ACAP2: variants seen among roughly 807,000 people sequenced by gnomAD.
ACAP2 encodes the protein ArfGAP with coiled-coil, ankyrin repeat and PH domains 2, also known as arf-GAP with coiled-coil, ANK repeat and PH domain-containing protein 2.
In ACAP2, 39 loss-of-function variants were observed where a neutral mutation model predicts 115.8. That is an observed-to-expected ratio of 0.34 (90% CI 0.26 to 0.44). ACAP2 has a LOEUF of 0.44. ACAP2 is among the 20% of genes least tolerant of loss of function. The pLI, the probability that ACAP2 is intolerant of heterozygous loss-of-function variation, is 1.00. For missense variants in ACAP2, 662 were observed against 927.6 expected (o/e 0.71, Z 3.72); for synonymous variants, 289 against 315.8 (o/e 0.92, Z 0.90).
chr3:195,369,996 T>C (rs1430805083), intron 4 of ACAP2, among the ~76,000 whole-genome samples: 2 of 152,342 alleles, frequency 1.3e-5, no homozygotes, highest in Admixed American at 1.3e-4. Context: ...GAGTTGCATT[T>C]CTCTAATTAT....
intron 10 of ACAP2, among the ~76,000 whole-genome samples, chr3:195,320,255 C>A (rs903881392): frequency 2.0e-5 from 3 of 152,124 alleles, no homozygotes; most frequent in South Asian, 2.1e-4. Context: ...ATACAATAAG[C>A]AAACACTAAG....
At chr3:195,333,965 C>G (rs565804379) in intron 7 of ACAP2, among the ~76,000 whole-genome samples, 9 of 152,114 alleles carry the variant, frequency 5.9e-5, no homozygotes, top group Non-Finnish European at 1.3e-4. Flanking sequence ...ATTCATTCCA[C>G]AAATCTAAAA....
chr3:195,431,791 T>C (rs944637908), intron 1 of ACAP2, among the ~76,000 whole-genome samples: 1 of 152,010 alleles, frequency 6.6e-6, no homozygotes, highest in African/African-American at 2.4e-5. Context: ...ACTCTTCCAA[T>C]GTGGCTCACC....
intron 18 of ACAP2, among the ~76,000 whole-genome samples, chr3:195,294,201 C>T (rs1727466334): frequency 6.6e-6 from 1 of 151,726 alleles, no homozygotes; most frequent in Non-Finnish European, 1.5e-5. Context: ...ACAGAATTTC[C>T]AAATATGAAG....
chr3:195,321,514 T>C (rs1449249692), intron 9 of ACAP2, among the ~76,000 whole-genome samples: 1 of 152,064 alleles, frequency 6.6e-6, no homozygotes, highest in African/African-American at 2.4e-5. Flanking sequence ...TTTATGGTGA[T>C]ATGTGTTAAC....
intron 1 of ACAP2, chr3:195,411,035 T>C (rs1461709132): frequency 1.3e-5 from 5 of 376,392 alleles, no homozygotes; most frequent in Non-Finnish European, 2.6e-5. Flanking sequence ...GTGTATTATT[T>C]ATAAATTATC....
chr3:195,404,376 T>C (rs1297296434), intron 1 of ACAP2, among the ~76,000 whole-genome samples: 1 of 152,196 alleles, frequency 6.6e-6, no homozygotes, highest in African/African-American at 2.4e-5. Flanking sequence ...CTGATATTTT[T>C]GATGAACCAA....
At chr3:195,316,351 ACTTGAGTTGG>A (rs1036711634) in intron 10 of ACAP2, among the ~76,000 whole-genome samples, 1 of 151,972 alleles carries the variant, frequency 6.6e-6, no homozygotes, top group Non-Finnish European at 1.5e-5. Flanking sequence ...TAACCACACC[ACTTGAGTTGG>A]TCCACCTATA....
At position 195,302,125 on chromosome 3, in the gene ACAP2, T is replaced by C. The variant is rs1235384947; in HGVS notation, c.1166A>G (p.Asn389Ser). The change falls in exon 14 of 23, where the codon AAT (asparagine) becomes AGT (serine). Residue 389 changes from asparagine (N) to serine (S), a missense_variant. Coordinates refer to ENST00000326793, the MANE Select transcript of ACAP2 (RefSeq NM_012287.6). ...SPSTGSLDSG[N>S]ESKEKLLKGE... is the part of the protein sequence containing the mutation. Reference sequence around the variant, plus strand: ...TTTCAATAATTTCTCTTTGGACTCATTTCCAGAATCTAGGCTTCCTGTGGA... The same window carrying C: ...TTTCAATAATTTCTCTTTGGACTCACTTCCAGAATCTAGGCTTCCTGTGGA... 1.9e-6 allele frequency: 3 copies of C among 1,614,162 alleles called. No individual in the cohort carries two copies. Among genetic ancestry groups the C allele is most frequent in the Non-Finnish European group, 1.7e-6 (2 of 1,180,044 alleles).
At position 195,312,188 on chromosome 3, in the gene ACAP2, G is replaced by C. The variant is rs113635046; in HGVS notation, c.858-3351C>G. 4.2e-4 allele frequency among the ~76,000 whole-genome samples: 64 copies of C among 152,040 alleles called. No homozygotes were observed. In the Middle Eastern group the frequency reaches 0.017, roughly 41 times the overall value. On this transcript the variant is annotated intron_variant, in intron 10 of 22. Transcript: ENST00000326793. Reference sequence around the variant, plus strand: ...TAAATCTGTAGAAACGTTATCACTAGAACTATACAGATGATGGGTTTATTT... The same window carrying C: ...TAAATCTGTAGAAACGTTATCACTACAACTATACAGATGATGGGTTTATTT...
intron 1 of ACAP2, among the ~76,000 whole-genome samples, chr3:195,435,805 A>G (rs1383755827): frequency 6.6e-6 from 1 of 152,196 alleles, no homozygotes; most frequent in East Asian, 1.9e-4. Context: ...TGTAAACTCG[A>G]GAAGAATGTG....
At chr3:195,349,729 AC>A in intron 4 of ACAP2, 1 of 204,166 alleles carries the variant, frequency 4.9e-6, no homozygotes. Context: ...CCGAGGGTAC[AC>A]CAGCAACATT....
intron 4 of ACAP2, among the ~76,000 whole-genome samples, chr3:195,347,947 G>A (rs1209197135): frequency 4.6e-5 from 7 of 152,000 alleles, no homozygotes; most frequent in Non-Finnish European, 8.8e-5. Context: ...AGGAGTTCAA[G>A]GTTGCAGTGA....
chr3:195,289,294 T>TAA, intron 20 of ACAP2, 63 bp from the exon 21 acceptor site: 146 of 887,524 alleles, frequency 1.6e-4, no homozygotes, highest in East Asian at 4.4e-4. Flanking sequence ...GTATTCACCT[T>TAA]AAAAAAAAAA....
chr3:195,383,050 G>A (rs1734055007), intron 2 of ACAP2, among the ~76,000 whole-genome samples: 1 of 152,076 alleles, frequency 6.6e-6, no homozygotes, highest in Non-Finnish European at 1.5e-5. Flanking sequence ...ATGTGACCAT[G>A]GAATTCTTGT....
intron 6 of ACAP2, among the ~76,000 whole-genome samples, chr3:195,341,950 G>A (rs79026009): frequency 0.026 from 3,941 of 152,146 alleles, 150 homozygotes; most frequent in African/African-American, 0.086. Flanking sequence ...TAGGTTCTCA[G>A]GGGCATACAG....
rs1726159924 is a variant in ACAP2, at chr3:195,275,547, G to T, written c.*3781C>A. On this transcript the variant is annotated 3_prime_UTR_variant, in exon 23 of 23. Coordinates refer to ENST00000326793, the MANE Select transcript of ACAP2 (RefSeq NM_012287.6). ...TTGTTATCAAAGCACAAGGAAAGCT[G>T]GCATTCATTATCAGACTTCGCTGCT... 6.6e-6 allele frequency: 1 copy of T among 152,206 alleles called. No homozygotes were observed. The highest frequency in any genetic ancestry group is 1.5e-5 in the Non-Finnish European group (1 of 68,046). 9.4% of individuals were successfully genotyped at this position (152,206 alleles called of 1,614,324 possible). A position where few individuals can be genotyped will look rare whatever the true frequency, so the allele number is the denominator to read the frequency against.
chr3:195,395,724 T>C (rs1290031718), intron 1 of ACAP2, among the ~76,000 whole-genome samples: 2 of 152,158 alleles, frequency 1.3e-5, no homozygotes, highest in African/African-American at 2.4e-5. Flanking sequence ...TTACTGACCA[T>C]TAAGAATGTC....
intron 2 of ACAP2, among the ~76,000 whole-genome samples, chr3:195,385,287 A>C (rs1577394171): frequency 6.6e-6 from 1 of 151,494 alleles, no homozygotes; most frequent in African/African-American, 2.4e-5. Context: ...ACTTACTGGC[A>C]CATGGTAATT....
Sources: gnomAD v4.1 joint callset for allele counts (sites outside exome capture counted in the v4.1 genomes callset) on GRCh38, gnomAD v4.1.1 for gene constraint, MANE v1.5 for transcripts, NCBI Gene and HGNC (gene_info 2026-07-23, HGNC 2026-07-21) for gene names.